Variants in BLTP2 observed in about 807,000 individuals in gnomAD.
BLTP2 encodes bridge-like lipid transfer protein family member 2.
chr17:28,641,935 C>T, the BLTP2 span: 4 of 1,614,136 alleles, frequency 2.5e-6, no homozygotes, highest in South Asian at 4.4e-5. Context: ...CCTGGCACAG[C>T]AGTTGGCTCT....
At chr17:28,633,335 C>A in the BLTP2 span, 2 of 1,613,986 alleles carry the variant, frequency 1.2e-6, no homozygotes, top group Non-Finnish European at 8.5e-7. Context: ...ACAAACTGAC[C>A]AGGTTTCCAA....
the BLTP2 span, among the ~76,000 whole-genome samples, chr17:28,618,098 A>G: frequency 6.6e-6 from 1 of 151,306 alleles, no homozygotes; most frequent in Non-Finnish European, 1.5e-5. Flanking sequence ...ACGCCTGGCT[A>G]ATTTTTGTAT....
At chr17:28,644,386 C>A in the BLTP2 span, among the ~76,000 whole-genome samples, 1 of 152,230 alleles carries the variant, frequency 6.6e-6, no homozygotes, top group Non-Finnish European at 1.5e-5. Flanking sequence ...ACCCCTCCAC[C>A]CAGATGAAAC....
the BLTP2 span, chr17:28,633,204 T>G: frequency 1.9e-6 from 3 of 1,597,228 alleles, no homozygotes; most frequent in Non-Finnish European, 2.6e-6. Context: ...CCCTGGTCAC[T>G]CACTTCCCCT....
At chr17:28,639,486 G>C in the BLTP2 span, 11 of 1,613,236 alleles carry the variant, frequency 6.8e-6, no homozygotes, top group African/African-American at 1.3e-5. Context: ...CAGAACTGTG[G>C]GTTTGGGTTT....
At chr17:28,626,921 C>G in the BLTP2 span, among the ~76,000 whole-genome samples, 1 of 152,152 alleles carries the variant, frequency 6.6e-6, no homozygotes. Flanking sequence ...CGTTTATAGC[C>G]AGTTGGTGAG....
the BLTP2 span, among the ~76,000 whole-genome samples, chr17:28,637,656 GTA>G: frequency 6.6e-6 from 1 of 152,174 alleles, no homozygotes; most frequent in African/African-American, 2.4e-5. Flanking sequence ...ACACACTTCA[GTA>G]TATTTATTTA....
At chr17:28,637,617 A>G in the BLTP2 span, among the ~76,000 whole-genome samples, 1 of 152,334 alleles carries the variant, frequency 6.6e-6, no homozygotes, top group South Asian at 2.1e-4. Context: ...AGCAGACTAA[A>G]CCAACATAAT....
At chr17:28,640,772 C>A in the BLTP2 span, 2 of 1,311,158 alleles carry the variant, frequency 1.5e-6, no homozygotes, top group South Asian at 1.3e-5. Context: ...GTCAAATCCT[C>A]CCACATAAAG....
the BLTP2 span, among the ~76,000 whole-genome samples, chr17:28,625,334 C>CAAAAAAAAAAAAAAAAAAAAAAAAAAAAA: frequency 3.4e-5 from 1 of 29,060 alleles, no homozygotes; most frequent in African/African-American, 1.2e-4. Context: ...GACTCCGTCT[C>CAAAAAAAAAAAAAAAAAAAAAAAAAAAAA]AAAAAAAAAA....
chr17:28,639,611 G>A, the BLTP2 span: 6 of 1,614,178 alleles, frequency 3.7e-6, no homozygotes, highest in Admixed American at 1.0e-4. Flanking sequence ...GGCAGACAAT[G>A]CGTTGGCGAC....
the BLTP2 span, among the ~76,000 whole-genome samples, chr17:28,618,315 G>A: frequency 1.2e-4 from 18 of 151,896 alleles, no homozygotes; most frequent in South Asian, 2.1e-4. Context: ...GCAGTGGTGT[G>A]ATCACAGCTC....
At chr17:28,645,078 C>G in the BLTP2 span, 1 of 1,569,010 alleles carries the variant, frequency 6.4e-7, no homozygotes, top group Non-Finnish European at 8.6e-7. Flanking sequence ...TCCGGCCCGG[C>G]TTGGCCCCGG....
Sources: gnomAD v4.1 joint callset for allele counts (sites outside exome capture counted in the v4.1 genomes callset) on GRCh38, gnomAD v4.1.1 for gene constraint, MANE v1.5 for transcripts, NCBI Gene and HGNC (gene_info 2026-07-23, HGNC 2026-07-21) for gene names.